Variants in ZFYVE1 observed in about 807,000 individuals in gnomAD.
ZFYVE1 encodes zinc finger FYVE domain-containing protein 1.
Under a neutral mutation model 74.4 loss-of-function variants are expected in ZFYVE1, and 30 were observed. The observed-to-expected ratio is 0.40, with a 90% CI of 0.30 to 0.55. The LOEUF (loss-of-function observed/expected upper bound fraction) is 0.55. Ranked by LOEUF, ZFYVE1 falls within the 20% of genes least tolerant of loss-of-function variation. The pLI is 0.42. For synonymous variants in ZFYVE1, 335 were observed against 385.1 expected, an observed-to-expected ratio of 0.87 and a Z score of 1.52; for missense variants, 703 against 1,011.6, an observed-to-expected ratio of 0.69 and a Z score of 4.14.
rs146200688 is a variant in ZFYVE1, at chr14:72,975,458, G to C, written c.1806+93C>G. On this transcript the variant is annotated intron_variant, in intron 9 of 11. Transcript: ENST00000556143. The surrounding 1 kb of genome is among the most constrained non-coding windows in gnomAD (Gnocchi z 4.1). ...CACTGCACTGGCAGAAAATGTTTGC[G>C]TCTCCCTCACAGAACAAGCTTAGCA... 4.1e-6 allele frequency: 6 copies of C among 1,465,976 alleles called. No individual in the cohort carries two copies. The highest frequency in any genetic ancestry group is 5.5e-6 in the Non-Finnish European group (6 of 1,096,268). The allele number at this position is 1,465,976 out of a possible 1,614,324, so 90.8% of individuals were successfully genotyped here.
chr14:73,021,581 A>T (rs1894320583), intron 2 of ZFYVE1, among the ~76,000 whole-genome samples: 1 of 152,228 alleles, frequency 6.6e-6, no homozygotes, highest in Non-Finnish European at 1.5e-5. Flanking sequence ...ACTGAACTAG[A>T]TATTTTAAGT....
chr14:72,970,270 A>G lies in ZFYVE1; in HGVS notation c.*612T>C, dbSNP rs1470950034. The G allele has an allele frequency of 6.1e-6, 1 of 165,278 alleles. No individual in the cohort carries two copies. Among genetic ancestry groups the G allele is most frequent in the African/African-American group, 2.4e-5 (1 of 41,570 alleles). 10.2% of individuals were successfully genotyped at this position (165,278 alleles called of 1,614,324 possible). ...ACGCTAAGTTGGGTGGTCTCTGACT[A>G]AAACAGGCTTAAGCCAAGAATTGGG... On this transcript the variant is annotated 3_prime_UTR_variant, in exon 12 of 12. Transcript: ENST00000556143.
At chr14:72,992,388 C>T (rs2140361718) in intron 4 of ZFYVE1, among the ~76,000 whole-genome samples, 1 of 152,270 alleles carries the variant, frequency 6.6e-6, no homozygotes, top group Admixed American at 6.5e-5. Context: ...TGTCACTCAC[C>T]AACTGTGTAT....
intron 6 of ZFYVE1, 140 bp from the exon 7 acceptor site, chr14:72,978,374 C>G: frequency 1.4e-6 from 1 of 736,492 alleles, no homozygotes; most frequent in Non-Finnish European, 2.2e-6. Flanking sequence ...CGAGATCAGC[C>G]TGGCCAACAT....
In ZFYVE1 at chr14:72,979,652, T is replaced by C. The variant is rs1217921970; in HGVS notation, c.1311-683A>G. ...CTGGGCAACAGCGAGACTCTGTCTT[T>C]AAAAAAAAAAAAAAAAATACACCCA... is the stretch of plus-strand genomic sequence containing the variant. On this transcript the variant is annotated intron_variant, in intron 5 of 11. Transcript: ENST00000556143. Among the ~76,000 whole-genome samples, 10 of 137,116 alleles carry C rather than the reference T, an allele frequency of 7.3e-5. No individual in the cohort carries two copies. In the South Asian group the frequency reaches 2.1e-3, roughly 29 times the overall value. The allele number at this position is 137,116 out of a possible 152,430, so 90.0% of individuals were successfully genotyped here.
intron 2 of ZFYVE1, among the ~76,000 whole-genome samples, chr14:72,999,343 C>G (rs1893820542): frequency 6.6e-6 from 1 of 152,056 alleles, no homozygotes; most frequent in African/African-American, 2.4e-5. Flanking sequence ...AGGAGAATCA[C>G]TTGAACCCGG....
At chr14:72,999,549 G>T (rs1043692218) in intron 2 of ZFYVE1, among the ~76,000 whole-genome samples, 5 of 151,630 alleles carry the variant, frequency 3.3e-5, no homozygotes, top group African/African-American at 1.2e-4. Flanking sequence ...ATCCAGACTG[G>T]ATGACAAAGT....
intron 8 of ZFYVE1, chr14:72,976,035 A>G (rs2140343594): frequency 8.1e-6 from 2 of 247,782 alleles, no homozygotes; most frequent in East Asian, 8.9e-5. Flanking sequence ...ATACTTGGAC[A>G]TCTCTAGGAA....
intron 2 of ZFYVE1, among the ~76,000 whole-genome samples, chr14:73,004,690 C>G (rs983550225): frequency 6.6e-6 from 1 of 152,044 alleles, no homozygotes; most frequent in African/African-American, 2.4e-5. Flanking sequence ...GCACCGACTG[C>G]ATTTTCGTCA....
intron 2 of ZFYVE1, among the ~76,000 whole-genome samples, chr14:73,001,239 G>A (rs199837266): frequency 1.9e-5 from 1 of 52,942 alleles, no homozygotes; most frequent in Non-Finnish European, 3.9e-5. Flanking sequence ...TCAGAAAATA[G>A]ATAAACTAGC....
chr14:73,012,235 A>T lies in ZFYVE1; in HGVS notation c.483+11791T>A, dbSNP rs182193906. Among the ~76,000 whole-genome samples, 244 of 152,250 alleles carry T rather than the reference A, an allele frequency of 1.6e-3. 1 individual carries two copies. The highest frequency in any genetic ancestry group is 3.7e-3 in the Admixed American group (57 of 15,282). ...AATATCACAGATGTAGGTAACAGTT[A>T]ACTGAGACATAAGGAAAAAAATTAT... On this transcript the variant is annotated intron_variant, in intron 2 of 11. Coordinates refer to ENST00000556143, the MANE Select transcript of ZFYVE1 (RefSeq NM_021260.4).
rs1328264032 is a variant in ZFYVE1 at position 72,974,814 on chromosome 14, C to T, written c.1952G>A (p.Cys651Tyr). The change falls in exon 10 of 12, where the codon TGT becomes TAT. Residue 651 changes from cysteine (C) to tyrosine (Y), a missense_variant. Physicochemically the swap from Cys to Tyr is radical, Grantham distance 194. Coordinates refer to ENST00000556143, the MANE Select transcript of ZFYVE1 (RefSeq NM_021260.4). ...RGWGPAPVRVCDNCYEARNVQ... is the reference protein window; with the variant it reads ...RGWGPAPVRVYDNCYEARNVQ... ...GTTCCTGGCTTCGTAGCAGTTGTCA[C>T]AGACCCGCACTGGCGCAGGGCCCCA... 1 of 1,608,228 alleles carries T rather than the reference C, an allele frequency of 6.2e-7. No homozygotes were observed. The highest frequency in any genetic ancestry group is 8.5e-7 in the Non-Finnish European group (1 of 1,175,628).
chr14:73,008,512 A>C (rs1008032807), intron 2 of ZFYVE1, among the ~76,000 whole-genome samples: 3 of 152,180 alleles, frequency 2.0e-5, no homozygotes, highest in Admixed American at 6.6e-5. Context: ...TTTTAAAAAA[A>C]GTCATTTTTA....
At chr14:72,981,079 C>T (rs1350239685) in intron 5 of ZFYVE1, among the ~76,000 whole-genome samples, 1 of 152,186 alleles carries the variant, frequency 6.6e-6, no homozygotes, top group Non-Finnish European at 1.5e-5. Context: ...TCAGGTTTCA[C>T]CCAGACCTGA....
At chr14:73,020,100 C>G (rs1397801882) in intron 2 of ZFYVE1, among the ~76,000 whole-genome samples, 1 of 151,738 alleles carries the variant, frequency 6.6e-6, no homozygotes, top group Admixed American at 6.6e-5. Context: ...ACGAAAAATA[C>G]AAAAATTAGC....
chr14:73,009,246 C>G (rs1594858563), intron 2 of ZFYVE1, among the ~76,000 whole-genome samples: 1 of 152,238 alleles, frequency 6.6e-6, no homozygotes, highest in East Asian at 1.9e-4. Context: ...CTCTGGGGCT[C>G]TGTTATTCAC....
chr14:73,012,284 T>A (rs1452289434), intron 2 of ZFYVE1, among the ~76,000 whole-genome samples: 1 of 152,036 alleles, frequency 6.6e-6, no homozygotes, highest in Non-Finnish European at 1.5e-5. Flanking sequence ...ACCTACCAAT[T>A]ACAAACTAAA....
chr14:72,970,190 A>G lies in ZFYVE1; in HGVS notation c.*692T>C, dbSNP rs76102681. Reference sequence around the variant, plus strand: ...GGGACAGCACGGCCCCTGCATTTCTACTTCTCAGGGCCGAAGACCCGACCT... The same window carrying G: ...GGGACAGCACGGCCCCTGCATTTCTGCTTCTCAGGGCCGAAGACCCGACCT... On this transcript the variant is annotated 3_prime_UTR_variant, in exon 12 of 12. Coordinates refer to ENST00000556143, the MANE Select transcript of ZFYVE1 (RefSeq NM_021260.4). 0.075 allele frequency: 12,922 copies of G among 172,804 alleles called. 706 individuals carry two copies. Among genetic ancestry groups the G allele is most frequent in the South Asian group, 0.18 (1,327 of 7,452 alleles). 10.7% of individuals were successfully genotyped at this position (172,804 alleles called of 1,614,324 possible). A position where few individuals can be genotyped will look rare whatever the true frequency, so the allele number is the denominator to read the frequency against.
chr14:72,997,137 C>T (rs1399000364), intron 3 of ZFYVE1, among the ~76,000 whole-genome samples: 1 of 152,206 alleles, frequency 6.6e-6, no homozygotes, highest in Non-Finnish European at 1.5e-5. Context: ...AAGGCCGACC[C>T]TTCCACTCAT....
Sources: gnomAD v4.1 joint callset for allele counts (sites outside exome capture counted in the v4.1 genomes callset) on GRCh38, gnomAD v4.1.1 for gene constraint, Gnocchi (gnomAD v3.1) non-coding constraint, MANE v1.5 for transcripts, NCBI Gene and HGNC (gene_info 2026-07-23, HGNC 2026-07-21) for gene names.